Variants in MYO6 observed in about 807,000 individuals in gnomAD.
MYO6 encodes the protein unconventional myosin-VI.
A neutral mutation model predicts 178.7 loss-of-function variants in MYO6; 74 were observed. That is an observed-to-expected ratio of 0.41 (90% CI 0.34 to 0.50). The LOEUF (loss-of-function observed/expected upper bound fraction) is 0.50, where lower values mean the gene tolerates loss of function less well. Among genes scored for constraint, MYO6 ranks in the 20% least tolerant of loss-of-function variants. MYO6 has a pLI of 0.09. For synonymous variants in MYO6, 477 were observed against 504.6 expected (o/e 0.95, Z 0.73); for missense variants, 1,330 against 1,547.4 (o/e 0.86, Z 2.36).
At chr6:75,787,612 T>C (rs1236159904) in intron 1 of MYO6, among the ~76,000 whole-genome samples, 1 of 143,522 alleles carries the variant, frequency 7.0e-6, no homozygotes, top group Non-Finnish European at 1.5e-5. Flanking sequence ...AAAGGGGGCA[T>C]GAGGGAACTT....
At chr6:75,905,170 T>G (rs888744416) in intron 30 of MYO6, among the ~76,000 whole-genome samples, 4 of 151,576 alleles carry the variant, frequency 2.6e-5, no homozygotes, top group African/African-American at 4.9e-5. Flanking sequence ...AGGTTACTGC[T>G]GTCTTTTTGT....
chr6:75,830,160 G>A (rs1011744771), intron 4 of MYO6, among the ~76,000 whole-genome samples: 1 of 152,148 alleles, frequency 6.6e-6, no homozygotes, highest in Non-Finnish European at 1.5e-5. Context: ...TAGGTGGGAA[G>A]AGATAATCTT....
At chr6:75,888,606 TA>T (rs755692046) in intron 25 of MYO6, among the ~76,000 whole-genome samples, 289 of 133,938 alleles carry the variant, frequency 2.2e-3, no homozygotes, top group Middle Eastern at 3.9e-3. Flanking sequence ...GACCCCTGGC[TA>T]AAAAAAAAAA....
intron 1 of MYO6, among the ~76,000 whole-genome samples, chr6:75,791,719 G>T (rs939271708): frequency 6.6e-6 from 1 of 152,162 alleles, no homozygotes; most frequent in Non-Finnish European, 1.5e-5. Context: ...CATTTGGCAT[G>T]AACAGTTTAA....
chr6:75,843,994 A>G (rs1774486976), intron 9 of MYO6, among the ~76,000 whole-genome samples: 1 of 152,166 alleles, frequency 6.6e-6, no homozygotes, highest in Non-Finnish European at 1.5e-5. Flanking sequence ...AGAAGCTGAG[A>G]TGTTTAAAAA....
At chr6:75,891,938 G>T (rs1456995598) in intron 27 of MYO6, among the ~76,000 whole-genome samples, 3 of 152,210 alleles carry the variant, frequency 2.0e-5, no homozygotes, top group Non-Finnish European at 4.4e-5. Flanking sequence ...TTAAAGCATT[G>T]TGAACACTGT....
At chr6:75,819,770 T>C (rs1771689862) in intron 2 of MYO6, among the ~76,000 whole-genome samples, 1 of 152,248 alleles carries the variant, frequency 6.6e-6, no homozygotes, top group African/African-American at 2.4e-5. Context: ...AATGCTGTTT[T>C]AGGCTAGCTG....
intron 29 of MYO6, among the ~76,000 whole-genome samples, 184 bp downstream of exon 29, chr6:75,895,444 G>A (rs575509750): frequency 1.3e-5 from 2 of 151,776 alleles, no homozygotes; most frequent in East Asian, 1.9e-4. Flanking sequence ...AGTAGCTCAT[G>A]ATTTGGTTTC....
rs199503190 is a variant in MYO6 at position 75,765,589 on chromosome 6, T to TA, written c.-48+16176dup. 0.013 allele frequency among the ~76,000 whole-genome samples: 1,885 copies of TA among 150,632 alleles called. 64 individuals are homozygous for TA. In the East Asian group the frequency reaches 0.13, roughly 11 times the overall value. The stretch of plus-strand genomic sequence containing the variant: ...AGTTTCATCTATTTGTTTCACCTCT[T>TA]AAAAAAAAAATTACCAGAAGTGATG... On this transcript the variant is annotated intron_variant, in intron 1 of 34. Transcript: ENST00000369977.
chr6:75,809,545 A>T (rs1172644659), intron 1 of MYO6, among the ~76,000 whole-genome samples: 1 of 151,562 alleles, frequency 6.6e-6, no homozygotes, highest in Non-Finnish European at 1.5e-5. Context: ...ATTTGGTTTT[A>T]TACATTTTAG....
intron 1 of MYO6, among the ~76,000 whole-genome samples, chr6:75,749,816 A>G (rs1297275071): frequency 2.0e-5 from 3 of 152,206 alleles, no homozygotes; most frequent in African/African-American, 7.2e-5. Context: ...TGAGATGTGA[A>G]GATCAAATGA....
At position 75,889,081 on chromosome 6, in the gene MYO6, A is replaced by T. The variant is rs1032126508; in HGVS notation, c.2659-976A>T. On this transcript the variant is annotated intron_variant, in intron 25 of 34. Transcript: ENST00000369977. ...AGTGCAAGTATGTGGGATATAATGA[A>T]TATCTTAAAGTGAGCGTTTTATATT... 2.0e-5 allele frequency among the ~76,000 whole-genome samples: 3 copies of T among 152,148 alleles called. No individual in the cohort carries two copies. The South Asian group carries it at 6.2e-4, about 32-fold the overall frequency.
At chr6:75,770,153 A>G (rs1221155246) in intron 1 of MYO6, among the ~76,000 whole-genome samples, 1 of 151,946 alleles carries the variant, frequency 6.6e-6, no homozygotes, top group African/African-American at 2.4e-5. Flanking sequence ...ATGTAACACC[A>G]CCCACTCTCC....
chr6:75,796,992 G>A (rs2150105237), intron 1 of MYO6, among the ~76,000 whole-genome samples: 1 of 152,214 alleles, frequency 6.6e-6, no homozygotes, highest in South Asian at 2.1e-4. Context: ...CATTGTTTAT[G>A]GACACCGAGG....
intron 20 of MYO6, among the ~76,000 whole-genome samples, chr6:75,874,468 C>T (rs1777407907): frequency 6.6e-6 from 1 of 152,220 alleles, no homozygotes; most frequent in Non-Finnish European, 1.5e-5. Flanking sequence ...CCTCTGCTGT[C>T]AGATGGGCTT....
chr6:75,857,482 CAT>C (rs1057440904), intron 13 of MYO6, among the ~76,000 whole-genome samples: 1 of 152,118 alleles, frequency 6.6e-6, no homozygotes, highest in Non-Finnish European at 1.5e-5. Context: ...AAAATTAAAA[CAT>C]TGATTGAAAC....
At chr6:75,875,660 T>C (rs903669452) in intron 20 of MYO6, among the ~76,000 whole-genome samples, 2 of 152,242 alleles carry the variant, frequency 1.3e-5, no homozygotes, top group African/African-American at 4.8e-5. Flanking sequence ...ATGTGGCTAG[T>C]GACTGCCAAG....
At chr6:75,887,197 C>T (rs1372886561) in intron 25 of MYO6, among the ~76,000 whole-genome samples, 1 of 152,078 alleles carries the variant, frequency 6.6e-6, no homozygotes. Context: ...TTAAAGAAGA[C>T]AATTTTTATG....
intron 23 of MYO6, among the ~76,000 whole-genome samples, chr6:75,883,955 A>T (rs1423451610): frequency 6.6e-6 from 1 of 152,218 alleles, no homozygotes; most frequent in Non-Finnish European, 1.5e-5. Context: ...ATAAAAAGAG[A>T]ACTATTAATA....
Sources: allele counts gnomAD v4.1 joint callset (sites outside exome capture counted in the v4.1 genomes callset), GRCh38; gene constraint gnomAD v4.1.1; transcripts MANE v1.5; gene names NCBI Gene and HGNC (gene_info 2026-07-23, HGNC 2026-07-21).